The following KDM5C variants were observed in gnomAD, a reference collection of about 807,000 sequenced individuals.
KDM5C encodes the protein lysine-specific demethylase 5C.
A neutral mutation model predicts 110.6 loss-of-function variants in KDM5C; 16 were observed. The ratio of observed to expected loss-of-function variants is 0.14; its 90% confidence interval spans 0.10 to 0.22. The LOEUF is 0.22. Ranked by LOEUF, KDM5C falls within the 10% of genes least tolerant of loss-of-function variation. KDM5C has a pLI of 1.00. For missense variants in KDM5C, 681 were observed against 1,300.9 expected (o/e 0.52, Z 7.33); for synonymous variants, 511 against 520.4 (o/e 0.98, Z 0.24).
chrX:53,225,074 C>G lies in KDM5C; in HGVS notation c.-185G>C. On this transcript the variant is annotated 5_prime_UTR_variant, in exon 1 of 26. Coordinates refer to ENST00000375401, the MANE Select transcript of KDM5C (RefSeq NM_004187.5). ...CTCTGAGAGTCTCAGGCTGACTCTA[C>G]TGCTACCGCCTCTTCGTCCCGCTCC... is the stretch of plus-strand genomic sequence containing the variant. The G allele has an allele frequency of 6.5e-6, 3 of 458,255 alleles. No individual in the cohort carries two copies. Among genetic ancestry groups the G allele is most frequent in the Non-Finnish European group, 7.1e-6 (2 of 282,918 alleles). 37.8% of individuals were successfully genotyped at this position (458,255 alleles called of 1,213,427 possible). A position where few individuals can be genotyped will look rare whatever the true frequency, so the allele number is the denominator to read the frequency against.
chrX:53,183,570 T>C (rs991856813), intron 25 of KDM5C, among the ~76,000 whole-genome samples: 1 of 109,175 alleles, frequency 9.2e-6, no homozygotes, highest in Admixed American at 9.8e-5. Flanking sequence ...ATTTCTTTTT[T>C]TTTTCTTTTT....
At chrX:53,220,109 G>A (rs139601248) in intron 2 of KDM5C, among the ~76,000 whole-genome samples, 5 of 111,838 alleles carry the variant, frequency 4.5e-5, no homozygotes, top group Non-Finnish European at 7.5e-5. Context: ...CATCTATTAA[G>A]ATTTGTGGGT....
intron 2 of KDM5C, 36 bp from the exon 3 acceptor site, chrX:53,218,434 C>G (rs1556853146): frequency 8.3e-7 from 1 of 1,206,266 alleles, no homozygotes; most frequent in South Asian, 1.8e-5. Flanking sequence ...CTGGCCACCC[C>G]CTCCCACTGA....
In KDM5C at chrX:53,210,513, C is replaced by T. The variant is rs1556848225; in HGVS notation, c.1647G>A (p.Met549Ile). 2 of 1,212,021 alleles carry T rather than the reference C, an allele frequency of 1.7e-6. No individual in the cohort carries two copies. Among genetic ancestry groups the T allele is most frequent in the Non-Finnish European group, 2.2e-6 (2 of 895,570 alleles). Residue 549 changes from methionine to isoleucine, a missense_variant, in exon 12 of 26, where the codon ATG becomes ATA. Coordinates refer to ENST00000375401, the MANE Select transcript of KDM5C (RefSeq NM_004187.5). ...SLAAEHLEEV[M>I]KKLTPELFDS... ...CAAATAGTTCAGGTGTCAGCTTCTT[C>T]ATCACTTCTTCCAAATGTTCTGCTG...
intron 18 of KDM5C, 60 bp from the exon 19 acceptor site, chrX:53,197,104 AC>A: frequency 3.4e-6 from 3 of 869,647 alleles, no homozygotes; most frequent in Non-Finnish European, 4.9e-6. Context: ...GGGTTCCACC[AC>A]CAGATGGAAC....
At chrX:53,222,049 G>A (rs956100524) in intron 1 of KDM5C, among the ~76,000 whole-genome samples, 4 of 111,368 alleles carry the variant, frequency 3.6e-5, no homozygotes, top group South Asian at 7.5e-4. Flanking sequence ...TGGGGAAAGT[G>A]AGGCTCAGAG....
chrX:53,197,461 C>T (rs1355537591), intron 18 of KDM5C, among the ~76,000 whole-genome samples: 1 of 110,146 alleles, frequency 9.1e-6, no homozygotes, highest in Non-Finnish European at 1.9e-5. Flanking sequence ...CCTCCTCCAC[C>T]TTCATGAATT....
intron 10 of KDM5C, 146 bp from the exon 11 acceptor site, chrX:53,211,003 T>C: frequency 1.9e-6 from 1 of 532,595 alleles, no homozygotes; most frequent in Admixed American, 2.9e-5. Flanking sequence ...GTTTTCTCCC[T>C]ACCTCTCCAC....
In KDM5C at chrX:53,194,521, A is replaced by C. The variant is rs1556834394; in HGVS notation, c.3656T>G (p.Leu1219Arg). ...FHGRCVSVPRLLSSPRPNPTS... is the reference protein window; with the variant it reads ...FHGRCVSVPRRLSSPRPNPTS... ...GGGATTGGGCCTCGGAGAGCTGAGG[A>C]GGCGAGGCACTGACACACACCGCCC... is the stretch of plus-strand genomic sequence containing the variant. Residue 1219 changes from leucine to arginine, a missense_variant, in exon 23 of 26, where the codon CTC (leucine) becomes CGC (arginine). Leu to Arg is a moderately radical substitution (Grantham distance 102). Coordinates refer to ENST00000375401, the MANE Select transcript of KDM5C (RefSeq NM_004187.5). 18 of 1,211,138 alleles carry C rather than the reference A, an allele frequency of 1.5e-5. No individual in the cohort carries two copies. Among genetic ancestry groups the C allele is most frequent in the South Asian group, 8.8e-5 (5 of 56,828 alleles).
At chrX:53,201,995 G>A in intron 12 of KDM5C, 22 bp from the exon 13 acceptor site, 1 of 1,211,250 alleles carries the variant, frequency 8.3e-7, no homozygotes, top group Non-Finnish European at 1.1e-6. Context: ...AAAAGGCCAT[G>A]GCTGTTGAGA....
At position 53,194,925 on chromosome X, in the gene KDM5C, C is replaced by G; in HGVS notation, c.3438+6G>C. 7.4e-6 allele frequency: 9 copies of G among 1,211,231 alleles called. No homozygotes were observed. Among genetic ancestry groups the G allele is most frequent in the Non-Finnish European group, 1.0e-5 (9 of 895,253 alleles). Reference sequence around the variant, plus strand: ...CCTTCTCCCCATCTGTGTCGAAGCTCCTTACCACAGAGCCTGGGTCCCTGA... The same window carrying G: ...CCTTCTCCCCATCTGTGTCGAAGCTGCTTACCACAGAGCCTGGGTCCCTGA... On this transcript the variant is annotated splice_donor_region_variant and intron_variant, in intron 22 of 25. Transcript: ENST00000375401.
intron 8 of KDM5C, 41 bp downstream of exon 8, chrX:53,214,648 A>C: frequency 8.5e-7 from 1 of 1,183,154 alleles, no homozygotes; most frequent in Non-Finnish European, 1.1e-6. Context: ...AAGGAAGGCA[A>C]GGAAGCCCTA....
downstream of KDM5C, among the ~76,000 whole-genome samples, chrX:53,190,636 T>C (rs1004812962): frequency 9.1e-6 from 1 of 110,426 alleles, no homozygotes; most frequent in Non-Finnish European, 1.9e-5. Context: ...AGACCTGGGG[T>C]CAAGCTGGAC....
downstream of KDM5C, among the ~76,000 whole-genome samples, chrX:53,186,322 G>A (rs1278366132): frequency 8.9e-6 from 1 of 111,788 alleles, no homozygotes; most frequent in East Asian, 2.8e-4. Flanking sequence ...GACAACAGGA[G>A]TCCCAGGAGC....
intron 23 of KDM5C, 47 bp downstream of exon 23, chrX:53,194,092 G>T: frequency 3.4e-6 from 4 of 1,176,333 alleles, no homozygotes; most frequent in Non-Finnish European, 4.6e-6. Context: ...TGGGGTAGGG[G>T]CTAGGAGACA....
chrX:53,215,755 CAAG>C (rs2073722819), intron 7 of KDM5C, 37 bp downstream of exon 7: 1 of 1,180,311 alleles, frequency 8.5e-7, no homozygotes, highest in African/African-American at 1.8e-5. Context: ...ATTGAAGGGA[CAAG>C]AAGCAGAGCA....
At chrX:53,222,942 CAGA>C (rs1201912212) in intron 1 of KDM5C, among the ~76,000 whole-genome samples, 9 of 111,600 alleles carry the variant, frequency 8.1e-5, no homozygotes, top group Non-Finnish European at 1.5e-4. Flanking sequence ...AAACTTCAAC[CAGA>C]AGAAGGCCAG....
Position 53,193,176 on chromosome X carries a change from C to A in KDM5C, c.4474G>T (p.Val1492Phe). Reference sequence around the variant, plus strand: ...TCCTCCAGCTCTTCCTCCTCCTGGACCTCCTCAGCCTCTGGCCCTGAGCTC... The same window carrying A: ...TCCTCCAGCTCTTCCTCCTCCTGGAACTCCTCAGCCTCTGGCCCTGAGCTC... ...VRSSGPEAEE[V>F]QEEEELEEET... The change falls in exon 26 of 26, where the codon GTC becomes TTC. Residue 1492 changes from valine (V) to phenylalanine (F), a missense_variant. By Grantham distance (50) the Val-to-Phe change is conservative. This residue lies in a region of KDM5C where 115 missense variants were observed against 120.9 expected (regional missense o/e 0.95). Coordinates refer to ENST00000375401, the MANE Select transcript of KDM5C (RefSeq NM_004187.5). The A allele has an allele frequency of 1.7e-6, 2 of 1,210,733 alleles. No homozygotes were observed. The highest frequency in any genetic ancestry group is 2.2e-6 in the Non-Finnish European group (2 of 895,271).
At chrX:53,198,326 TC>T (rs1569263014) in intron 17 of KDM5C, among the ~76,000 whole-genome samples, 163 bp downstream of exon 17, 3 of 111,876 alleles carry the variant, frequency 2.7e-5, no homozygotes, top group South Asian at 7.4e-4. Flanking sequence ...GGTCTCCTTG[TC>T]CCCCCCAACA....
Sources: allele counts gnomAD v4.1 joint callset (sites outside exome capture counted in the v4.1 genomes callset), GRCh38; gene constraint gnomAD v4.1.1; regional missense constraint gnomAD v4.1.1; transcripts MANE v1.5; gene names NCBI Gene and HGNC (gene_info 2026-07-23, HGNC 2026-07-21).